The following KIF26B variants were observed in gnomAD, a reference collection of about 807,000 sequenced individuals.
KIF26B encodes kinesin-like protein KIF26B.
A neutral mutation model predicts 151.2 loss-of-function variants in KIF26B; 63 were observed. The ratio of observed to expected loss-of-function variants is 0.42; its 90% confidence interval spans 0.34 to 0.51. KIF26B has a LOEUF of 0.51. Ranked by LOEUF, KIF26B falls within the 20% of genes least tolerant of loss-of-function variation. The probability of loss-of-function intolerance (pLI) is 0.07; values close to 1 mark genes in which losing one functional copy is unlikely to be tolerated. For synonymous variants in KIF26B, 1,357 were observed against 1,262.1 expected (o/e 1.08, Z -1.59); for missense variants, 2,813 against 2,913.6 (o/e 0.97, Z 0.79).
rs965865685 is a variant in KIF26B, at chr1:245,495,638, C to A, written c.1167-45129C>A. 1.3e-5 allele frequency among the ~76,000 whole-genome samples: 2 copies of A among 152,268 alleles called. No individual in the cohort carries two copies. Among genetic ancestry groups the A allele is most frequent in the South Asian group, 2.1e-4 (1 of 4,814 alleles). The stretch of plus-strand genomic sequence containing the variant: ...CTATAGTTTGGTATCCATTAATGAA[C>A]CTCTCCCCATCCACCTCTCCTTCCT... On this transcript the variant is annotated intron_variant, in intron 4 of 14. Coordinates refer to ENST00000407071, the MANE Select transcript of KIF26B (RefSeq NM_018012.4). The surrounding 1 kb of genome is among the most constrained non-coding windows in gnomAD (Gnocchi z 4.2).
At chr1:245,366,633 AAAATTC>A (rs1236818991) in intron 2 of KIF26B, among the ~76,000 whole-genome samples, 195 bp from the exon 3 acceptor site, 1 of 152,116 alleles carries the variant, frequency 6.6e-6, no homozygotes, top group Non-Finnish European at 1.5e-5. Context: ...TTTTCACTAT[AAAATTC>A]TTACATTTGT....
chr1:245,310,616 T>C (rs965155420), intron 2 of KIF26B, among the ~76,000 whole-genome samples: 1 of 152,210 alleles, frequency 6.6e-6, no homozygotes, highest in African/African-American at 2.4e-5. Flanking sequence ...GAGATCTGTA[T>C]TGGAAGCTCA....
rs1661585718 is a variant in KIF26B, at chr1:245,540,342, A to T, written c.1167-425A>T. Among the ~76,000 whole-genome samples the T allele has an allele frequency of 6.6e-6, 1 of 152,036 alleles. No individual in the cohort carries two copies. Among genetic ancestry groups the T allele is most frequent in the African/African-American group, 2.4e-5 (1 of 41,398 alleles). Reference sequence around the variant, plus strand: ...TGGTCTCCACATCGTTCTTCATCAGACTGGTTTGGATTTTACAAGGTGTTA... The same window carrying T: ...TGGTCTCCACATCGTTCTTCATCAGTCTGGTTTGGATTTTACAAGGTGTTA... On this transcript the variant is annotated intron_variant, in intron 4 of 14. Transcript: ENST00000407071. The surrounding 1 kb of genome is among the most constrained non-coding windows in gnomAD (Gnocchi z 4.6).
In KIF26B at chr1:245,697,368, C is replaced by T. The variant is rs79257676; in HGVS notation, c.5825-738C>T. ...GGATAGATACTGGGAGAGAACTAGC[C>T]GTCCTCGTCACAACGTGTGAAGTGT... On this transcript the variant is annotated intron_variant, in intron 12 of 14. Coordinates refer to ENST00000407071, the MANE Select transcript of KIF26B (RefSeq NM_018012.4). Among the ~76,000 whole-genome samples, 403 of 152,284 alleles carry T rather than the reference C, an allele frequency of 2.6e-3. 3 individuals are homozygous for T. The highest frequency in any genetic ancestry group is 0.01 in the Middle Eastern group (3 of 294).
intron 7 of KIF26B, 70 bp from the exon 8 acceptor site, chr1:245,609,196 T>C: frequency 7.2e-7 from 1 of 1,386,840 alleles, no homozygotes; most frequent in South Asian, 1.8e-5. Context: ...CCTTGGCATC[T>C]ATTTTGGAGA....
At chr1:245,661,709 ACACACAC>A (rs1488101196) in intron 10 of KIF26B, among the ~76,000 whole-genome samples, 1 of 76,374 alleles carries the variant, frequency 1.3e-5, no homozygotes, top group African/African-American at 4.7e-5. Context: ...ACATATATAC[ACACACAC>A]CACCAATATA....
chr1:245,662,603 AGACACC>A (rs879498186), intron 10 of KIF26B, among the ~76,000 whole-genome samples: 57,180 of 98,390 alleles, frequency 0.58, 17,415 homozygotes, highest in East Asian at 0.75. Context: ...ATATATACAC[AGACACC>A]CAATATATAT....
intron 2 of KIF26B, among the ~76,000 whole-genome samples, chr1:245,169,337 GT>G (rs748252642): frequency 7.9e-5 from 12 of 151,582 alleles, no homozygotes; most frequent in East Asian, 1.9e-4. Flanking sequence ...TGGTGTGTGT[GT>G]GTGTGTGTGT....
intron 2 of KIF26B, among the ~76,000 whole-genome samples, chr1:245,282,277 G>A (rs1403383628): frequency 2.0e-5 from 3 of 152,050 alleles, no homozygotes; most frequent in Admixed American, 6.6e-5. Flanking sequence ...AAAAGAGCCC[G>A]CATTGCCAAG....
chr1:245,203,178 C>T (rs1467395099), intron 2 of KIF26B, among the ~76,000 whole-genome samples: 2 of 138,380 alleles, frequency 1.4e-5, no homozygotes, highest in Admixed American at 8.0e-5. Flanking sequence ...ACCTGGGAGG[C>T]AGAGGTTTCA....
chr1:245,433,476 AAAAG>A (rs915962469), intron 4 of KIF26B, among the ~76,000 whole-genome samples: 4 of 146,652 alleles, frequency 2.7e-5, no homozygotes, highest in African/African-American at 7.7e-5. Flanking sequence ...CAAAAAAAAA[AAAAG>A]AAGAAGAAGA....
At chr1:245,390,139 C>CTAT (rs770671746) in intron 3 of KIF26B, among the ~76,000 whole-genome samples, 4 of 148,806 alleles carry the variant, frequency 2.7e-5, no homozygotes, top group Non-Finnish European at 5.9e-5. Flanking sequence ...GCTGGTCATG[C>CTAT]TATTACTCAT....
At chr1:245,470,078 G>A (rs1044123098) in intron 4 of KIF26B, among the ~76,000 whole-genome samples, 5 of 152,136 alleles carry the variant, frequency 3.3e-5, no homozygotes, top group African/African-American at 1.2e-4. Context: ...TGAGTAATGG[G>A]AGGGTGTTCC....
intron 2 of KIF26B, among the ~76,000 whole-genome samples, chr1:245,345,156 A>G (rs1236902426): frequency 6.6e-6 from 1 of 152,184 alleles, no homozygotes; most frequent in Non-Finnish European, 1.5e-5. Flanking sequence ...CCATAGGCGC[A>G]AGTGAGGAGA....
Position 245,358,143 on chromosome 1 carries a change from G to C in KIF26B, c.466-8691G>C, listed in dbSNP as rs1288271392. Among the ~76,000 whole-genome samples, 1 of 152,148 alleles carries C rather than the reference G, an allele frequency of 6.6e-6. No individual in the cohort carries two copies. The highest frequency in any genetic ancestry group is 1.9e-4 in the East Asian group (1 of 5,200). On this transcript the variant is annotated intron_variant, in intron 2 of 14. Transcript: ENST00000407071. This position sits in a 1 kb window ranked among gnomAD's most constrained non-coding sequence, Gnocchi z 4.1. ...TTGCCCAGGCTGGTCTCGAACTTCAGATCTGCCCACCTCAGTTTCCCAAAG... is the reference window on the plus strand; with the variant it reads ...TTGCCCAGGCTGGTCTCGAACTTCACATCTGCCCACCTCAGTTTCCCAAAG...
At chr1:245,219,742 C>A (rs4073280) in intron 2 of KIF26B, among the ~76,000 whole-genome samples, 7,030 of 151,504 alleles carry the variant, frequency 0.046, 347 homozygotes, top group African/African-American at 0.12. Context: ...CCCTCCACCC[C>A]AAAAAAAAGA....
chr1:245,313,309 C>G (rs1282231356), intron 2 of KIF26B, among the ~76,000 whole-genome samples: 1 of 152,242 alleles, frequency 6.6e-6, no homozygotes, highest in East Asian at 1.9e-4. Flanking sequence ...CCAGGTCACT[C>G]TCCAGGGAAG....
intron 2 of KIF26B, among the ~76,000 whole-genome samples, chr1:245,340,561 G>C (rs1672315113): frequency 6.6e-6 from 1 of 152,302 alleles, no homozygotes; most frequent in East Asian, 1.9e-4. Flanking sequence ...CCTGGGCAAA[G>C]TGACCATTCA....
intron 2 of KIF26B, among the ~76,000 whole-genome samples, chr1:245,273,182 G>A (rs1422083963): frequency 1.3e-5 from 2 of 152,000 alleles, no homozygotes; most frequent in Non-Finnish European, 2.9e-5. Flanking sequence ...GGGAGGCCGA[G>A]GTGGGCGGAT....
Sources: gnomAD v4.1 joint callset for allele counts (sites outside exome capture counted in the v4.1 genomes callset) on GRCh38, gnomAD v4.1.1 for gene constraint, Gnocchi (gnomAD v3.1) non-coding constraint, MANE v1.5 for transcripts, NCBI Gene and HGNC (gene_info 2026-07-23, HGNC 2026-07-21) for gene names.